GRID2: variants seen among roughly 807,000 people sequenced by gnomAD.
The protein encoded by GRID2 is glutamate ionotropic receptor delta type subunit 2, also known as glutamate receptor ionotropic, delta-2.
In GRID2, 33 loss-of-function variants were observed where a neutral mutation model predicts 114.8. That is an observed-to-expected ratio of 0.29 (90% CI 0.22 to 0.38). The LOEUF is 0.38. GRID2 is among the 10% of genes least tolerant of loss of function. GRID2 has a pLI of 1.00. For synonymous variants in GRID2, 505 were observed against 449.9 expected (o/e 1.12, Z -1.55); for missense variants, 1,184 against 1,257.7 (o/e 0.94, Z 0.89).
At chr4:93,200,674 G>A (rs1742009167) in intron 4 of GRID2, among the ~76,000 whole-genome samples, 1 of 152,174 alleles carries the variant, frequency 6.6e-6, no homozygotes, top group Admixed American at 6.5e-5. Context: ...ATTTTCCTCT[G>A]TCGTGCTCTC....
chr4:93,172,933 G>T (rs1738993302), intron 4 of GRID2, among the ~76,000 whole-genome samples: 1 of 150,890 alleles, frequency 6.6e-6, no homozygotes, highest in African/African-American at 2.4e-5. Flanking sequence ...TCAGTTCAAT[G>T]ATTCACTATT....
At chr4:92,738,872 T>A (rs1028404331) in intron 2 of GRID2, among the ~76,000 whole-genome samples, 12 of 152,144 alleles carry the variant, frequency 7.9e-5, no homozygotes, top group Admixed American at 7.2e-4. Flanking sequence ...CATCTCTATG[T>A]TGCCCAGGTT....
intron 8 of GRID2, among the ~76,000 whole-genome samples, chr4:93,310,549 A>G (rs546621379): frequency 1.3e-5 from 2 of 152,250 alleles, no homozygotes; most frequent in South Asian, 4.1e-4. Flanking sequence ...ATAAAATAAA[A>G]TAAAATTGAG....
chr4:93,082,760 T>C (rs1441157486), intron 2 of GRID2, among the ~76,000 whole-genome samples: 1 of 152,196 alleles, frequency 6.6e-6, no homozygotes, highest in African/African-American at 2.4e-5. Context: ...CGATAGGCAA[T>C]ACCAAACAGT....
chr4:93,049,510 T>TC lies in GRID2; in HGVS notation c.245-35476dup, dbSNP rs200700807. Among the ~76,000 whole-genome samples the TC allele has an allele frequency of 8.9e-3, 1,327 of 149,590 alleles. 11 individuals are homozygous for TC. Among genetic ancestry groups the TC allele is most frequent in the Non-Finnish European group, 0.013 (868 of 67,240 alleles). ...CTTAACAAATGTGAGTCTGAAATTA[T>TC]CCCCCCCCCAAAAAAATTAATGCAT... is the stretch of plus-strand genomic sequence containing the variant. On this transcript the variant is annotated intron_variant, in intron 2 of 15. Transcript: ENST00000282020.
intron 3 of GRID2, among the ~76,000 whole-genome samples, chr4:93,109,260 A>G (rs957473687): frequency 6.6e-6 from 1 of 152,170 alleles, no homozygotes; most frequent in Admixed American, 6.5e-5. Flanking sequence ...TGATGGTAAC[A>G]TCCTGAGTTT....
intron 2 of GRID2, among the ~76,000 whole-genome samples, chr4:92,651,687 T>C (rs923640681): frequency 2.0e-5 from 3 of 152,106 alleles, no homozygotes; most frequent in African/African-American, 4.8e-5. Context: ...AATCATTGGC[T>C]ACAGCCCATG....
intron 2 of GRID2, among the ~76,000 whole-genome samples, chr4:92,690,566 G>A (rs545586086): frequency 2.7e-4 from 41 of 152,278 alleles, no homozygotes; most frequent in African/African-American, 8.2e-4. Context: ...TGGAAAAATG[G>A]TGCCAATAGA....
At chr4:92,561,901 T>A (rs1727121202) in intron 1 of GRID2, among the ~76,000 whole-genome samples, 1 of 152,182 alleles carries the variant, frequency 6.6e-6, no homozygotes, top group Non-Finnish European at 1.5e-5. Context: ...GAAGATCACG[T>A]GATTCTGGTG....
intron 13 of GRID2, among the ~76,000 whole-genome samples, chr4:93,625,059 G>A (rs928486962): frequency 6.6e-6 from 1 of 152,220 alleles, no homozygotes; most frequent in African/African-American, 2.4e-5. Context: ...GAAGGACACA[G>A]GACAGGAGAT....
chr4:93,731,499 G>A (rs1578685711), intron 14 of GRID2, among the ~76,000 whole-genome samples: 1 of 152,186 alleles, frequency 6.6e-6, no homozygotes, highest in African/African-American at 2.4e-5. Context: ...TAAGGAATTT[G>A]TCCCCTGAAT....
intron 1 of GRID2, among the ~76,000 whole-genome samples, chr4:92,332,735 C>CA (rs1191501824): frequency 6.6e-6 from 1 of 152,150 alleles, no homozygotes; most frequent in Non-Finnish European, 1.5e-5. Flanking sequence ...ATTTCCATTT[C>CA]AAAGGGGAGA....
chr4:92,389,304 A>T (rs1730133643), intron 1 of GRID2, among the ~76,000 whole-genome samples: 1 of 152,046 alleles, frequency 6.6e-6, no homozygotes, highest in Admixed American at 6.6e-5. Context: ...AAGGGACAGT[A>T]TGGGGTTTGA....
intron 4 of GRID2, among the ~76,000 whole-genome samples, chr4:93,173,720 C>T (rs1016436099): frequency 1.3e-5 from 2 of 152,102 alleles, no homozygotes; most frequent in African/African-American, 2.4e-5. Flanking sequence ...ACCTCCACCC[C>T]CTGGTCTCAA....
intron 14 of GRID2, among the ~76,000 whole-genome samples, chr4:93,749,082 C>G (rs1732093906): frequency 6.6e-6 from 1 of 152,004 alleles, no homozygotes; most frequent in Non-Finnish European, 1.5e-5. Flanking sequence ...GGGTGGGGAT[C>G]CCTGCTTTAT....
intron 4 of GRID2, among the ~76,000 whole-genome samples, chr4:93,114,472 T>A (rs1733055157): frequency 6.6e-6 from 1 of 152,172 alleles, no homozygotes; most frequent in African/African-American, 2.4e-5. Context: ...ATCCACCATT[T>A]TTTTAAGTAA....
chr4:93,446,881 A>G (rs1400313912), intron 10 of GRID2, among the ~76,000 whole-genome samples: 1 of 151,352 alleles, frequency 6.6e-6, no homozygotes, highest in Non-Finnish European at 1.5e-5. Context: ...AAATAGTACA[A>G]TTAATATATA....
At chr4:92,939,969 C>A (rs1470545761) in intron 2 of GRID2, among the ~76,000 whole-genome samples, 2 of 147,010 alleles carry the variant, frequency 1.4e-5, no homozygotes, top group African/African-American at 2.4e-5. Flanking sequence ...GTTACTGTAG[C>A]CTTGTAGTAT....
At chr4:92,405,380 C>T (rs897370045) in intron 1 of GRID2, among the ~76,000 whole-genome samples, 2 of 152,078 alleles carry the variant, frequency 1.3e-5, no homozygotes, top group Admixed American at 1.3e-4. Context: ...CTGTCTGGAA[C>T]TGACATTCTA....
Sources: gnomAD v4.1 joint callset for allele counts (sites outside exome capture counted in the v4.1 genomes callset) on GRCh38, gnomAD v4.1.1 for gene constraint, MANE v1.5 for transcripts, NCBI Gene and HGNC (gene_info 2026-07-23, HGNC 2026-07-21) for gene names.